GPATCH11: variants seen among roughly 807,000 people sequenced by gnomAD.
The protein encoded by GPATCH11 is G-patch domain containing 11, also known as G patch domain-containing protein 11.
In GPATCH11, 32 loss-of-function variants were observed where a neutral mutation model predicts 44.8. The observed-to-expected ratio is 0.71, with a 90% confidence interval of 0.54 to 0.96. The LOEUF (loss-of-function observed/expected upper bound fraction) is 0.96, where lower values mean the gene tolerates loss of function less well. GPATCH11 is among the 40% of genes least tolerant of loss of function. The pLI, the probability that GPATCH11 is intolerant of heterozygous loss-of-function variation, is 0.00. For synonymous variants in GPATCH11, 84 were observed against 94.4 expected (o/e 0.89, Z 0.64); for missense variants, 324 against 303.1 (o/e 1.07, Z -0.51).
In GPATCH11 at chr2:37,095,533, T is replaced by G. The variant is rs769037495; in HGVS notation, c.736+15T>G. The G allele has an allele frequency of 1.3e-6, 2 of 1,564,374 alleles. No homozygotes were observed. Among genetic ancestry groups the G allele is most frequent in the Non-Finnish European group, 1.7e-6 (2 of 1,161,466 alleles). On this transcript the variant is annotated intron_variant, in intron 8 of 8. Coordinates refer to ENST00000674370, the MANE Select transcript of GPATCH11 (RefSeq NM_174931.4). ...AGCCTATGAAGGTAAGAAAATTACT[T>G]TATGCTTTTTAAAAATAGATGAATG...
Position 37,088,352 on chromosome 2 carries a change from TA to T in GPATCH11, c.-13-16del, listed in dbSNP as rs1673143477. The T allele has an allele frequency of 7.8e-7, 1 of 1,285,836 alleles. No individual in the cohort carries two copies. Among genetic ancestry groups the T allele is most frequent in the African/African-American group, 1.5e-5 (1 of 66,378 alleles). 79.7% of individuals were successfully genotyped at this position (1,285,836 alleles called of 1,614,324 possible). Reference sequence around the variant, plus strand: ...CTGATAAACTAAAAAAAAAAGTAATTATTACTTTATTTGTAGATACTATAGC... The same window carrying T: ...CTGATAAACTAAAAAAAAAAGTAATTTTACTTTATTTGTAGATACTATAGC... On this transcript the variant is annotated splice_polypyrimidine_tract_variant and intron_variant, in intron 1 of 8. Transcript: ENST00000674370.
intron 4 of GPATCH11, 140 bp downstream of exon 4, chr2:37,090,862 T>A: frequency 1.8e-6 from 1 of 548,586 alleles, no homozygotes. Context: ...TTTCTAAACC[T>A]CTTCAACCAG....
intron 1 of GPATCH11, among the ~76,000 whole-genome samples, chr2:37,085,011 C>T (rs901999676): frequency 4.6e-5 from 7 of 152,216 alleles, no homozygotes; most frequent in African/African-American, 1.7e-4. Flanking sequence ...TAAGCTCTAC[C>T]TTCAAGTGTA....
intron 3 of GPATCH11, 25 bp downstream of exon 3, chr2:37,089,891 G>A: frequency 6.8e-7 from 1 of 1,471,696 alleles, no homozygotes; most frequent in Non-Finnish European, 9.3e-7. Flanking sequence ...GAAATAAACA[G>A]GTATTCCTTA....
chr2:37,098,863 T>C lies in GPATCH11; in HGVS notation c.*2600T>C, dbSNP rs1246924807. On this transcript the variant is annotated 3_prime_UTR_variant, in exon 9 of 9. Coordinates refer to ENST00000674370, the MANE Select transcript of GPATCH11 (RefSeq NM_174931.4). ...AAGTTTGAAACCAGCCTGGGCAACA[T>C]AGTGAGAGACCTCCATCTTAAGGGA... is the stretch of plus-strand genomic sequence containing the variant. The C allele has an allele frequency of 2.0e-5, 3 of 152,076 alleles. No individual in the cohort carries two copies. Among genetic ancestry groups the C allele is most frequent in the African/African-American group, 7.2e-5 (3 of 41,406 alleles). The allele number at this position is 152,076 out of a possible 1,614,324, so 9.4% of individuals were successfully genotyped here.
In GPATCH11 at chr2:37,090,690, T is replaced by C; in HGVS notation, c.296T>C (p.Ile99Thr). 3 of 1,475,194 alleles carry C rather than the reference T, an allele frequency of 2.0e-6. No homozygotes were observed. Among genetic ancestry groups the C allele is most frequent in the Non-Finnish European group, 2.8e-6 (3 of 1,083,260 alleles). The allele number at this position is 1,475,194 out of a possible 1,614,324, so 91.4% of individuals were successfully genotyped here. A position where few individuals can be genotyped will look rare whatever the true frequency, so the allele number is the denominator to read the frequency against. Reference sequence around the variant, plus strand: ...ATTCATTCTCTTTAAGGGGGTGGTATTGTTGAACCAATTCCTCTCAATATC... The same window carrying C: ...ATTCATTCTCTTTAAGGGGGTGGTACTGTTGAACCAATTCCTCTCAATATC... ...GQALGKSGGG[I>T]VEPIPLNIKT... The change falls in exon 4 of 9, where the codon ATT becomes ACT. Residue 99 changes from isoleucine to threonine, a missense_variant. Transcript: ENST00000674370.
intron 2 of GPATCH11, among the ~76,000 whole-genome samples, chr2:37,088,677 C>T (rs1287345858): frequency 2.0e-5 from 3 of 152,134 alleles, no homozygotes; most frequent in Non-Finnish European, 4.4e-5. Flanking sequence ...CCATCATGCC[C>T]GGCTAACTCT....
At chr2:37,091,231 G>A (rs1673303361) in intron 4 of GPATCH11, among the ~76,000 whole-genome samples, 1 of 152,028 alleles carries the variant, frequency 6.6e-6, no homozygotes, top group Non-Finnish European at 1.5e-5. Context: ...GGCTGAGGCA[G>A]GAGAATCGCT....
rs1186176006 is a variant in GPATCH11, at chr2:37,098,857, G to A, written c.*2594G>A. On this transcript the variant is annotated 3_prime_UTR_variant, in exon 9 of 9. Coordinates refer to ENST00000674370, the MANE Select transcript of GPATCH11 (RefSeq NM_174931.4). ...GCCCAGAAGTTTGAAACCAGCCTGGGCAACATAGTGAGAGACCTCCATCTT... is the reference window on the plus strand; with the variant it reads ...GCCCAGAAGTTTGAAACCAGCCTGGACAACATAGTGAGAGACCTCCATCTT... The A allele has an allele frequency of 6.6e-6, 1 of 152,126 alleles. No homozygotes were observed. The highest frequency in any genetic ancestry group is 1.5e-5 in the Non-Finnish European group (1 of 68,040). 9.4% of individuals were successfully genotyped at this position (152,126 alleles called of 1,614,324 possible).
At chr2:37,090,615 C>A in intron 3 of GPATCH11, 66 bp from the exon 4 acceptor site, 1 of 830,494 alleles carries the variant, frequency 1.2e-6, no homozygotes, top group Non-Finnish European at 2.0e-6. Context: ...TGTAAAGTTG[C>A]ATACTTATAC....
chr2:37,091,219 G>A (rs1472479370), intron 4 of GPATCH11, among the ~76,000 whole-genome samples: 3 of 152,060 alleles, frequency 2.0e-5, no homozygotes, highest in Non-Finnish European at 2.9e-5. Context: ...AGCTACTTGG[G>A]AGGCTGAGGC....
intron 1 of GPATCH11, among the ~76,000 whole-genome samples, chr2:37,087,853 C>G (rs964314802): frequency 2.0e-5 from 3 of 152,206 alleles, no homozygotes; most frequent in African/African-American, 7.2e-5. Context: ...TGGTCCCCCA[C>G]TGCCTACAGG....
chr2:37,086,350 T>C (rs927463078), intron 1 of GPATCH11, among the ~76,000 whole-genome samples: 4 of 152,226 alleles, frequency 2.6e-5, no homozygotes, highest in African/African-American at 9.6e-5. Flanking sequence ...AAATTACAAA[T>C]ATTAAAGACC....
chr2:37,085,027 A>T (rs1055289211), intron 1 of GPATCH11, among the ~76,000 whole-genome samples: 1 of 152,128 alleles, frequency 6.6e-6, no homozygotes, highest in Non-Finnish European at 1.5e-5. Context: ...GTGTACCCCA[A>T]ATGCGACCAC....
intron 8 of GPATCH11, 116 bp downstream of exon 8, chr2:37,095,634 C>T: frequency 8.7e-7 from 1 of 1,151,142 alleles, no homozygotes; most frequent in Non-Finnish European, 1.2e-6. Flanking sequence ...CAGTATGGGA[C>T]CAATTTCTTA....
chr2:37,090,758 A>C, intron 4 of GPATCH11, 36 bp downstream of exon 4: 1 of 1,071,786 alleles, frequency 9.3e-7, no homozygotes. Context: ...TGCCAATAAT[A>C]ATAACTTACG....
chr2:37,089,268 G>A (rs932451445), intron 2 of GPATCH11, among the ~76,000 whole-genome samples: 2 of 152,172 alleles, frequency 1.3e-5, no homozygotes, highest in African/African-American at 4.8e-5. Flanking sequence ...GTAAGTGACA[G>A]AGTTATGAGA....
Position 37,092,001 on chromosome 2 carries a change from A to G in GPATCH11, c.414A>G (p.Lys138=), listed in dbSNP as rs939761395. Residue 138 remains lysine, a synonymous_variant, in exon 5 of 9, where the codon AAA becomes AAG. Coordinates refer to ENST00000674370, the MANE Select transcript of GPATCH11 (RefSeq NM_174931.4). Reference sequence around the variant, plus strand: ...GCTACAGAAAAAAGATTCACATGAAAAACCAAGCTGAAGAAAAAGCTGCAG... The same window carrying G: ...GCTACAGAAAAAAGATTCACATGAAGAACCAAGCTGAAGAAAAAGCTGCAG... ...LESYRKKIHM[K]NQAEEKAAEQ... is the part of the protein sequence containing the mutation. 4 of 1,613,350 alleles carry G rather than the reference A, an allele frequency of 2.5e-6. No homozygotes were observed. The highest frequency in any genetic ancestry group is 2.7e-5 in the African/African-American group (2 of 74,910).
intron 1 of GPATCH11, among the ~76,000 whole-genome samples, chr2:37,086,306 TAAAAATG>T (rs955905949): frequency 6.6e-6 from 1 of 152,218 alleles, no homozygotes; most frequent in African/African-American, 2.4e-5. Flanking sequence ...AAAAAGTGTT[TAAAAATG>T]ACTTGTTGAC....
Sources: allele counts gnomAD v4.1 joint callset (sites outside exome capture counted in the v4.1 genomes callset), GRCh38; gene constraint gnomAD v4.1.1; transcripts MANE v1.5; gene names NCBI Gene and HGNC (gene_info 2026-07-23, HGNC 2026-07-21).